The following MGST2 variants were observed in gnomAD, a reference collection of about 807,000 sequenced individuals.
The protein encoded by MGST2 is glutathione peroxidase MGST2.
MGST2 carries 9 observed loss-of-function variants against 16.6 expected under a neutral mutation model. That is an observed-to-expected ratio of 0.54 (90% CI 0.33 to 0.95). The LOEUF (loss-of-function observed/expected upper bound fraction) is 0.95. MGST2 is among the 40% of genes least tolerant of loss of function. The pLI is 0.03. For synonymous variants in MGST2, 79 were observed against 68.0 expected (o/e 1.16, Z -0.79); for missense variants, 159 against 175.1 (o/e 0.91, Z 0.52).
intron 5 of MGST2, among the ~76,000 whole-genome samples, chr4:139,725,208 C>G (rs1435078208): frequency 6.6e-6 from 1 of 152,316 alleles, no homozygotes; most frequent in East Asian, 1.9e-4. Flanking sequence ...TCAGTTCAAT[C>G]AGCCTCAAGG....
At chr4:139,685,556 A>G (rs1475139554) in intron 2 of MGST2, 1 of 152,218 alleles carries the variant, frequency 6.6e-6, no homozygotes, top group Non-Finnish European at 1.5e-5. Flanking sequence ...TCAATCTGCC[A>G]TGTTTAACAG....
downstream of MGST2, among the ~76,000 whole-genome samples, chr4:139,704,827 C>T (rs1195287029): frequency 6.6e-6 from 1 of 152,076 alleles, no homozygotes; most frequent in African/African-American, 2.4e-5. Context: ...GAGGCTGAGG[C>T]AGGAGAATGG....
At chr4:139,750,697 T>C in the MGST2 span, among the ~76,000 whole-genome samples, 43 of 152,314 alleles carry the variant, frequency 2.8e-4, 3 homozygotes, top group East Asian at 3.3e-3. Context: ...CTCTTTAGGC[T>C]CAATTACTTT....
chr4:139,678,514 T>C, intron 1 of MGST2, 29 bp from the exon 2 acceptor site: 5 of 1,570,934 alleles, frequency 3.2e-6, no homozygotes, highest in Non-Finnish European at 4.4e-6. Context: ...GTGCCCCATC[T>C]TTAACGCAAC....
At chr4:139,688,419 A>T (rs539618308) in intron 2 of MGST2, among the ~76,000 whole-genome samples, 5 of 152,170 alleles carry the variant, frequency 3.3e-5, no homozygotes, top group African/African-American at 1.2e-4. Context: ...TCCTGTTCCA[A>T]AATTAACCTG....
chr4:139,692,165 G>T (rs1045917009), intron 2 of MGST2, among the ~76,000 whole-genome samples: 5 of 152,194 alleles, frequency 3.3e-5, no homozygotes, highest in Admixed American at 6.5e-5. Context: ...GCCACTTGTA[G>T]GGGACAAAGG....
chr4:139,745,342 T>C (rs1400893318), downstream of MGST2, among the ~76,000 whole-genome samples: 3 of 152,226 alleles, frequency 2.0e-5, no homozygotes, highest in East Asian at 5.8e-4. Flanking sequence ...TGCATTACTT[T>C]AAGGAGATTA....
intron 5 of MGST2, among the ~76,000 whole-genome samples, chr4:139,713,494 A>AAAT (rs1328117073): frequency 5.0e-4 from 76 of 151,564 alleles, no homozygotes; most frequent in Middle Eastern, 3.4e-3. Context: ...AAAAAAAAAA[A>AAAT]AAAGGAGAAA....
intron 3 of MGST2, among the ~76,000 whole-genome samples, chr4:139,700,850 T>C (rs965533628): frequency 3.3e-5 from 5 of 152,226 alleles, no homozygotes; most frequent in Admixed American, 3.3e-4. Context: ...ATCTCCTTTT[T>C]CTGGTAACTT....
intron 5 of MGST2, among the ~76,000 whole-genome samples, chr4:139,736,122 ACACT>A (rs552005476): frequency 1.8e-4 from 27 of 152,224 alleles, no homozygotes; most frequent in East Asian, 1.7e-3. Context: ...ACATACACAC[ACACT>A]CACTCACTCA....
intron 2 of MGST2, among the ~76,000 whole-genome samples, chr4:139,692,737 C>G (rs1726681852): frequency 6.6e-6 from 1 of 152,178 alleles, no homozygotes; most frequent in South Asian, 2.1e-4. Flanking sequence ...TTTTTATTTC[C>G]TTTCTCCTTG....
chr4:139,748,085 A>G, the MGST2 span, among the ~76,000 whole-genome samples: 1 of 150,944 alleles, frequency 6.6e-6, no homozygotes, highest in Middle Eastern at 3.4e-3. Context: ...AAGAATGCAC[A>G]TATAGAGGTA....
chr4:139,673,756 G>C (rs533082987), intron 1 of MGST2, among the ~76,000 whole-genome samples: 1 of 152,228 alleles, frequency 6.6e-6, no homozygotes, highest in South Asian at 2.1e-4. Flanking sequence ...TGTTGCCCAG[G>C]CTGGTCTTGA....
At chr4:139,694,263 C>T (rs1579319007) in intron 2 of MGST2, among the ~76,000 whole-genome samples, 2 of 151,560 alleles carry the variant, frequency 1.3e-5, no homozygotes, top group African/African-American at 2.4e-5. Context: ...CAACAACCAG[C>T]GTCATCTATT....
chr4:139,672,141 C>T (rs930568981), intron 1 of MGST2, among the ~76,000 whole-genome samples: 2 of 152,174 alleles, frequency 1.3e-5, no homozygotes, highest in Admixed American at 6.5e-5. Flanking sequence ...GCTAGTGTCA[C>T]AAACAGATGC....
intron 5 of MGST2, among the ~76,000 whole-genome samples, chr4:139,729,726 G>A (rs768517302): frequency 1.3e-5 from 2 of 152,230 alleles, no homozygotes; most frequent in Non-Finnish European, 2.9e-5. Flanking sequence ...TACAGTAGCA[G>A]TCTGCAGGGA....
the MGST2 span, among the ~76,000 whole-genome samples, chr4:139,753,753 T>G: frequency 6.6e-6 from 1 of 152,186 alleles, no homozygotes; most frequent in Admixed American, 6.5e-5. Context: ...TTCTTCTGTT[T>G]GTCCATCTGT....
chr4:139,704,191 A>G lies in MGST2; in HGVS notation c.*43A>G, dbSNP rs1179009536. Reference sequence around the variant, plus strand: ...AATACTTGCAGAAGCTGTTCCCACCATGAAGGTAATATGGTATCATTTGTT... The same window carrying G: ...AATACTTGCAGAAGCTGTTCCCACCGTGAAGGTAATATGGTATCATTTGTT... On this transcript the variant is annotated 3_prime_UTR_variant, in exon 5 of 5. Transcript: ENST00000265498. 7 of 1,602,470 alleles carry G rather than the reference A, an allele frequency of 4.4e-6. No individual in the cohort carries two copies. The highest frequency in any genetic ancestry group is 1.1e-5 in the South Asian group (1 of 90,860).
rs572638055 is a variant in MGST2, at chr4:139,715,057, C to A, written c.*48+10861C>A. Among the ~76,000 whole-genome samples the A allele has an allele frequency of 2.2e-4, 34 of 152,288 alleles. 1 individual carries two copies. The South Asian group carries it at 7.0e-3, about 32-fold the overall frequency. On this transcript the variant is annotated intron_variant, in intron 5 of 5. Transcript: ENST00000616265. This position sits in a 1 kb window ranked among gnomAD's most constrained non-coding sequence, Gnocchi z 4.4. The stretch of plus-strand genomic sequence containing the variant: ...CTTTACCGAAGAGGGGCCTCTAACC[C>A]GCTAAATCTTAGAAGGGACTCTAAC...
Sources: gnomAD v4.1 joint callset for allele counts (sites outside exome capture counted in the v4.1 genomes callset) on GRCh38, gnomAD v4.1.1 for gene constraint, Gnocchi (gnomAD v3.1) non-coding constraint, MANE v1.5 for transcripts, NCBI Gene and HGNC (gene_info 2026-07-23, HGNC 2026-07-21) for gene names.